The following PDE11A variants were observed in gnomAD, a reference collection of about 807,000 sequenced individuals.
PDE11A encodes phosphodiesterase 11A.
A neutral mutation model predicts 100.5 loss-of-function variants in PDE11A; 100 were observed. The ratio of observed to expected loss-of-function variants is 1.00; its 90% CI spans 0.85 to 1.18. The LOEUF (loss-of-function observed/expected upper bound fraction) is 1.18. Among genes scored for constraint, PDE11A ranks in the 50% most tolerant of loss-of-function variants. The probability of loss-of-function intolerance (pLI) is 0.00; values close to 1 mark genes in which losing one functional copy is unlikely to be tolerated. For synonymous variants in PDE11A, 381 were observed against 420.8 expected (o/e 0.91, Z 1.16); for missense variants, 1,141 against 1,152.6 (o/e 0.99, Z 0.15).
chr2:177,669,564 C>T lies in PDE11A; in HGVS notation c.2491G>A (p.Ala831Thr). ...TKPWEISRQV[A>T]ELVTSEFFEQ... ...AAGAACTCACTGGTTACAAGTTCTG[C>T]CACCTGAAACATATAAATATTTTAA... Residue 831 changes from alanine to threonine, a missense_variant, in exon 18 of 20, where the codon GCA becomes ACA. Coordinates refer to ENST00000286063, the MANE Select transcript of PDE11A (RefSeq NM_016953.4). 1 of 1,387,360 alleles carries T rather than the reference C, an allele frequency of 7.2e-7. No individual in the cohort carries two copies. 85.9% of individuals were successfully genotyped at this position (1,387,360 alleles called of 1,614,324 possible). A position where few individuals can be genotyped will look rare whatever the true frequency, so the allele number is the denominator to read the frequency against.
intron 10 of PDE11A, among the ~76,000 whole-genome samples, chr2:177,761,967 T>G (rs1025505847): frequency 3.3e-5 from 5 of 152,182 alleles, no homozygotes; most frequent in African/African-American, 1.2e-4. Context: ...CATCTGTTCA[T>G]CTGTTAGCTG....
At chr2:177,854,196 A>C (rs911511465) in intron 5 of PDE11A, among the ~76,000 whole-genome samples, 2 of 151,984 alleles carry the variant, frequency 1.3e-5, no homozygotes, top group Non-Finnish European at 2.9e-5. Context: ...ATGGCTTATT[A>C]TCATGGAACA....
At chr2:177,933,832 C>T (rs2085238955) in intron 2 of PDE11A, among the ~76,000 whole-genome samples, 3 of 152,236 alleles carry the variant, frequency 2.0e-5, no homozygotes, top group South Asian at 4.2e-4. Flanking sequence ...AGCCACACAC[C>T]TACAGTCACC....
chr2:178,014,431 C>G lies in PDE11A; in HGVS notation c.942G>C (p.Lys314Asn). 6.2e-7 allele frequency: 1 copy of G among 1,613,254 alleles called. No individual in the cohort carries two copies. The highest frequency in any genetic ancestry group is 8.5e-7 in the Non-Finnish European group (1 of 1,179,332). The change falls in exon 2 of 20, where the codon AAG becomes AAC. Residue 314 changes from lysine (K) to asparagine (N), a missense_variant. By Grantham distance (94) the Lys-to-Asn change is moderately conservative. Transcript: ENST00000286063. The stretch of plus-strand genomic sequence containing the variant: ...ATGATTTTGTCTTGTATCCAGTTAG[C>G]TTGTCGATTTCATCATTGAATCGTC... ...QDRRFNDEID[K>N]LTGYKTKSLL...
intron 2 of PDE11A, among the ~76,000 whole-genome samples, chr2:177,936,943 A>G (rs932952131): frequency 6.6e-6 from 1 of 151,714 alleles, no homozygotes. Context: ...AATTTAAGGG[A>G]TACTTTTATT....
intron 17 of PDE11A, 65 bp from the exon 18 acceptor site, chr2:177,669,632 TCTTG>T (rs2080646909): frequency 5.0e-6 from 4 of 806,158 alleles, no homozygotes; most frequent in South Asian, 1.3e-5. Flanking sequence ...AGAAGTTCTT[TCTTG>T]CTTATGTATT....
At chr2:177,948,723 G>A (rs1455443901) in intron 2 of PDE11A, among the ~76,000 whole-genome samples, 2 of 152,130 alleles carry the variant, frequency 1.3e-5, no homozygotes, top group Non-Finnish European at 2.9e-5. Flanking sequence ...GGGCAACACA[G>A]TGAGACACTA....
intron 1 of PDE11A, among the ~76,000 whole-genome samples, chr2:178,048,067 G>C (rs183925220): frequency 1.1e-4 from 16 of 152,286 alleles, no homozygotes; most frequent in African/African-American, 3.9e-4. Flanking sequence ...GTGAGAAATG[G>C]TTACAGACAG....
chr2:177,730,365 CT>C (rs1553542761), intron 10 of PDE11A, among the ~76,000 whole-genome samples: 2 of 152,238 alleles, frequency 1.3e-5, no homozygotes, highest in Non-Finnish European at 2.9e-5. Flanking sequence ...AAAATTATGT[CT>C]TTTAATTCTA....
intron 2 of PDE11A, among the ~76,000 whole-genome samples, chr2:177,989,503 A>C (rs2085977942): frequency 6.6e-6 from 1 of 152,200 alleles, no homozygotes; most frequent in Admixed American, 6.5e-5. Context: ...CCATTGACAC[A>C]GTGGGGAAAT....
chr2:177,998,066 C>T (rs915211264), intron 2 of PDE11A: 2 of 1,302,976 alleles, frequency 1.5e-6, no homozygotes, highest in Non-Finnish European at 2.2e-6. Flanking sequence ...AAGAGCCTGC[C>T]CACACACTCA....
At chr2:177,928,679 G>A (rs898014367) in intron 2 of PDE11A, among the ~76,000 whole-genome samples, 2 of 152,188 alleles carry the variant, frequency 1.3e-5, no homozygotes, top group Non-Finnish European at 2.9e-5. Flanking sequence ...GGAAAGCTGA[G>A]GCAGGAGGAC....
chr2:177,939,729 G>C (rs188478115), intron 2 of PDE11A, among the ~76,000 whole-genome samples: 3 of 152,304 alleles, frequency 2.0e-5, no homozygotes, highest in Admixed American at 2.0e-4. Context: ...CTTGGATTGA[G>C]GGACTGTCTA....
chr2:177,881,588 A>G (rs1223077427), intron 4 of PDE11A, among the ~76,000 whole-genome samples: 2 of 152,258 alleles, frequency 1.3e-5, no homozygotes, highest in South Asian at 2.1e-4. Context: ...AGCAAGATGA[A>G]CAGTTGAGAA....
chr2:177,684,952 G>C (rs2080921479), intron 15 of PDE11A, among the ~76,000 whole-genome samples: 1 of 152,140 alleles, frequency 6.6e-6, no homozygotes. Flanking sequence ...GGATCCTGGA[G>C]GATTGTGAAA....
At chr2:177,666,936 T>TATTTATTTATTTATTTA in intron 18 of PDE11A, among the ~76,000 whole-genome samples, 1 of 151,600 alleles carries the variant, frequency 6.6e-6, no homozygotes, top group African/African-American at 2.4e-5. Context: ...TTTATTTATT[T>TATTTATTTATTTATTTA]TGAGAGAGTC....
In PDE11A at chr2:178,091,346, C is replaced by T. The variant is rs560293686; in HGVS notation, c.162+12956G>A. The stretch of plus-strand genomic sequence containing the variant: ...TCGGCCTCCCAAAGTGCTGGGATTA[C>T]AGGCGTGAGCCACTGCACCTAGCCC... On this transcript the variant is annotated intron_variant, in intron 2 of 20. Transcript: ENST00000358450. Among the ~76,000 whole-genome samples, 10 of 152,342 alleles carry T rather than the reference C, an allele frequency of 6.6e-5. No individual in the cohort carries two copies. In the East Asian group the frequency reaches 1.7e-3, roughly 26 times the overall value.
chr2:177,906,308 A>C (rs2084787954), intron 2 of PDE11A, among the ~76,000 whole-genome samples: 1 of 152,208 alleles, frequency 6.6e-6, no homozygotes, highest in Admixed American at 6.5e-5. Flanking sequence ...GAGGGACGAC[A>C]GCAGCCTCCA....
rs757480021 is a variant in PDE11A at position 178,097,686 on chromosome 2, G to A, written c.162+6616C>T. ...AAACATATAAATGACAGCAAAAATGGACAATGCTGCTGCTAGCACAATCAG... is the reference window on the plus strand; with the variant it reads ...AAACATATAAATGACAGCAAAAATGAACAATGCTGCTGCTAGCACAATCAG... On this transcript the variant is annotated intron_variant, in intron 2 of 20. Transcript: ENST00000358450. Among the ~76,000 whole-genome samples the A allele has an allele frequency of 6.8e-4, 103 of 152,106 alleles. 1 individual carries two copies. Among genetic ancestry groups the A allele is most frequent in the Non-Finnish European group, 1.4e-3 (98 of 68,040 alleles).
Sources: allele counts gnomAD v4.1 joint callset (sites outside exome capture counted in the v4.1 genomes callset), GRCh38; gene constraint gnomAD v4.1.1; transcripts MANE v1.5; gene names NCBI Gene and HGNC (gene_info 2026-07-23, HGNC 2026-07-21).